The following USP24 variants were observed in gnomAD, a reference collection of about 807,000 sequenced individuals.
USP24 encodes the protein ubiquitin specific peptidase 24.
Under a neutral mutation model 361.6 loss-of-function variants are expected in USP24, and 97 were observed. The ratio of observed to expected loss-of-function variants is 0.27; its 90% confidence interval spans 0.23 to 0.32. USP24 has a LOEUF of 0.32. Among genes scored for constraint, USP24 ranks in the 10% least tolerant of loss-of-function variants. The probability of loss-of-function intolerance (pLI) is 1.00; values close to 1 mark genes in which losing one functional copy is unlikely to be tolerated. For missense variants in USP24, 2,353 were observed against 3,165.6 expected (o/e 0.74, Z 6.16); for synonymous variants, 1,098 against 1,124.6 (o/e 0.98, Z 0.47).
chr1:55,092,365 A>G (rs1271881998), intron 53 of USP24, among the ~76,000 whole-genome samples: 1 of 152,254 alleles, frequency 6.6e-6, no homozygotes, highest in African/African-American at 2.4e-5. Flanking sequence ...CTCTCAAAAC[A>G]GTTGTTAGAC....
intron 28 of USP24, among the ~76,000 whole-genome samples, chr1:55,136,617 T>C (rs1223585522): frequency 6.6e-6 from 1 of 152,054 alleles, no homozygotes; most frequent in African/African-American, 2.4e-5. Flanking sequence ...AGTAGCTGGA[T>C]TGTCGATGGA....
Position 55,093,947 on chromosome 1 carries a change from C to A in USP24, c.6344G>T (p.Arg2115Leu). The A allele has an allele frequency of 2.5e-6, 4 of 1,613,564 alleles. No individual in the cohort carries two copies. Among genetic ancestry groups the A allele is most frequent in the Non-Finnish European group, 3.4e-6 (4 of 1,179,808 alleles). Residue 2115 changes from arginine (R) to leucine (L), a missense_variant, in exon 52 of 68, where the codon CGA (arginine) becomes CTA (leucine). Arg to Leu is a moderately radical substitution (Grantham distance 102, BLOSUM62 -2). Coordinates refer to ENST00000294383, the MANE Select transcript of USP24 (RefSeq NM_015306.3). Reference sequence around the variant, plus strand: ...TTATATGGTTCTTACCTGGTATATTCGAGCAGGCATTTTCTCCACAAACAG... The same window carrying A: ...TTATATGGTTCTTACCTGGTATATTAGAGCAGGCATTTTCTCCACAAACAG... ...KGLFVEKMPA[R>L]IYQMVRDENL...
intron 1 of USP24, among the ~76,000 whole-genome samples, chr1:55,197,641 A>G (rs976795488): frequency 5.3e-5 from 8 of 152,220 alleles, no homozygotes; most frequent in Non-Finnish European, 1.0e-4. Flanking sequence ...TGGCTCCCTA[A>G]TAAGAGTGTG....
intron 32 of USP24, among the ~76,000 whole-genome samples, chr1:55,126,099 C>T (rs1394772312): frequency 6.6e-6 from 1 of 152,230 alleles, no homozygotes; most frequent in Admixed American, 6.5e-5. Flanking sequence ...GCAGAGTCTT[C>T]ACAGTAGCCT....
intron 67 of USP24, among the ~76,000 whole-genome samples, chr1:55,069,568 G>A (rs911598616): frequency 2.0e-5 from 3 of 152,070 alleles, no homozygotes; most frequent in Non-Finnish European, 4.4e-5. Context: ...AATACTCACC[G>A]TGTGCCATGG....
At chr1:55,187,194 C>T (rs926110764) in intron 1 of USP24, among the ~76,000 whole-genome samples, 3 of 152,140 alleles carry the variant, frequency 2.0e-5, no homozygotes, top group Non-Finnish European at 4.4e-5. Context: ...ACGAGATCAT[C>T]TCAAGTGAAG....
At chr1:55,183,712 GCA>G (rs1336471027) in intron 1 of USP24, among the ~76,000 whole-genome samples, 6 of 152,102 alleles carry the variant, frequency 3.9e-5, no homozygotes, top group Non-Finnish European at 7.4e-5. Context: ...GCAGAGGTTT[GCA>G]GAATGAATTT....
chr1:55,101,087 T>A, intron 43 of USP24, 123 bp from the exon 44 acceptor site: 2 of 1,150,974 alleles, frequency 1.7e-6, no homozygotes, highest in Non-Finnish European at 2.4e-6. Context: ...TGGACATGGC[T>A]ATAATGCTGC....
At chr1:55,193,883 C>A (rs1308020594) in intron 1 of USP24, among the ~76,000 whole-genome samples, 1 of 152,126 alleles carries the variant, frequency 6.6e-6, no homozygotes, top group African/African-American at 2.4e-5. Flanking sequence ...TTGCCTAACA[C>A]CAACAGTCAT....
At chr1:55,115,010 A>C (rs1557582085) in intron 38 of USP24, among the ~76,000 whole-genome samples, 1 of 149,950 alleles carries the variant, frequency 6.7e-6, no homozygotes, top group Non-Finnish European at 1.5e-5. Context: ...ACAAAGGGCT[A>C]ATATCCAGAT....
At chr1:55,073,296 A>ATTT (rs1453938517) in intron 64 of USP24, among the ~76,000 whole-genome samples, 2 of 152,184 alleles carry the variant, frequency 1.3e-5, no homozygotes, top group East Asian at 3.9e-4. Flanking sequence ...TTTTCACTCT[A>ATTT]TGACTCTAGG....
chr1:55,172,673 A>T (rs963049127), intron 3 of USP24, among the ~76,000 whole-genome samples, 153 bp from the exon 4 acceptor site: 1 of 152,250 alleles, frequency 6.6e-6, no homozygotes, highest in Non-Finnish European at 1.5e-5. Context: ...GCTGTAGTTC[A>T]TCTACTTGCC....
intron 50 of USP24, 145 bp downstream of exon 50, chr1:55,096,353 A>G: frequency 1.5e-6 from 1 of 688,952 alleles, no homozygotes; most frequent in South Asian, 6.2e-5. Context: ...GTTATTAAAG[A>G]GCTTGCTCAT....
rs566671023 is a variant in USP24, at chr1:55,143,998, A to C, written c.2439+129T>G. ...CTCTGTCATCAACATAGAAGCTGGC[A>C]GTCAAGGAGATGCTGTTCTTTACCA... On this transcript the variant is annotated intron_variant, in intron 21 of 67. Transcript: ENST00000294383. The C allele has an allele frequency of 9.3e-5, 62 of 666,844 alleles. No homozygotes were observed. The African/African-American group carries it at 1.2e-3, about 13-fold the overall frequency. 41.3% of individuals were successfully genotyped at this position (666,844 alleles called of 1,614,324 possible).
rs111718262 is a variant in USP24, at chr1:55,147,226, A to G, written c.2119-166T>C. Among the ~76,000 whole-genome samples the G allele has an allele frequency of 2.5e-3, 378 of 152,334 alleles. 1 individual carries two copies. The highest frequency in any genetic ancestry group is 8.4e-3 in the African/African-American group (348 of 41,578). On this transcript the variant is annotated intron_variant, in intron 18 of 67. Coordinates refer to ENST00000294383, the MANE Select transcript of USP24 (RefSeq NM_015306.3). The stretch of plus-strand genomic sequence containing the variant: ...AATTCTGTTTACAAATTGATAGTAC[A>G]ATGTAATAGAAGCTATCTATCTCAA...
chr1:55,201,030 T>C (rs1644557974), intron 1 of USP24, among the ~76,000 whole-genome samples: 1 of 152,206 alleles, frequency 6.6e-6, no homozygotes, highest in Non-Finnish European at 1.5e-5. Context: ...TCAAAAAATG[T>C]TCCTTCCCAC....
At chr1:55,142,826 C>T in intron 22 of USP24, 31 bp from the exon 23 acceptor site, 1 of 1,469,950 alleles carries the variant, frequency 6.8e-7, no homozygotes, top group South Asian at 1.3e-5. Flanking sequence ...TACAATTAGT[C>T]CTTGACATTT....
Position 55,093,945 on chromosome 1 carries a change from T to C in USP24, c.6346A>G (p.Ile2116Val). Reference sequence around the variant, plus strand: ...TTTTATATGGTTCTTACCTGGTATATTCGAGCAGGCATTTTCTCCACAAAC... The same window carrying C: ...TTTTATATGGTTCTTACCTGGTATACTCGAGCAGGCATTTTCTCCACAAAC... ...GLFVEKMPAR[I>V]YQMVRDENLK... Residue 2116 changes from isoleucine (I) to valine (V), a missense_variant, in exon 52 of 68, where the codon ATA (isoleucine) becomes GTA (valine). Around this residue, in one of 8 missense-constraint regions of USP24, gnomAD observed 598 missense variants for 761.9 expected, o/e 0.78. Coordinates refer to ENST00000294383, the MANE Select transcript of USP24 (RefSeq NM_015306.3). 6.2e-7 allele frequency: 1 copy of C among 1,613,756 alleles called. No homozygotes were observed. The highest frequency in any genetic ancestry group is 8.5e-7 in the Non-Finnish European group (1 of 1,179,834).
At chr1:55,183,639 C>A (rs933479757) in intron 1 of USP24, among the ~76,000 whole-genome samples, 1 of 152,168 alleles carries the variant, frequency 6.6e-6, no homozygotes, top group East Asian at 1.9e-4. Context: ...AAGAGCAAAG[C>A]GGCAAATGTA....
Sources: gnomAD v4.1 joint callset for allele counts (sites outside exome capture counted in the v4.1 genomes callset) on GRCh38, gnomAD v4.1.1 for gene constraint, gnomAD v4.1.1 regional missense constraint, MANE v1.5 for transcripts, NCBI Gene and HGNC (gene_info 2026-07-23, HGNC 2026-07-21) for gene names.